The following EEPD1 variants were observed in gnomAD, a reference collection of about 807,000 sequenced individuals.
The protein encoded by EEPD1 is endonuclease/exonuclease/phosphatase family domain containing 1, also known as endonuclease/exonuclease/phosphatase family domain-containing protein 1.
EEPD1 carries 17 observed loss-of-function variants against 46.3 expected under a neutral mutation model. The ratio of observed to expected loss-of-function variants is 0.37; its 90% confidence interval spans 0.25 to 0.55. The LOEUF (loss-of-function observed/expected upper bound fraction) is 0.55, where lower values mean the gene tolerates loss of function less well. EEPD1 is among the 20% of genes least tolerant of loss of function. EEPD1 has a pLI of 0.83. For synonymous variants in EEPD1, 313 were observed against 315.6 expected, an observed-to-expected ratio of 0.99 and a Z score of 0.09; for missense variants, 673 against 745.6, an observed-to-expected ratio of 0.90 and a Z score of 1.13.
At chr7:36,294,446 G>A (rs560412485) in intron 6 of EEPD1, among the ~76,000 whole-genome samples, 1 of 152,044 alleles carries the variant, frequency 6.6e-6, no homozygotes, top group Non-Finnish European at 1.5e-5. Flanking sequence ...TTATTTGCAT[G>A]AAAAAATAAA....
At chr7:36,239,607 C>A (rs991302488) in intron 3 of EEPD1, among the ~76,000 whole-genome samples, 3 of 152,172 alleles carry the variant, frequency 2.0e-5, no homozygotes, top group Admixed American at 2.0e-4. Flanking sequence ...TCTCTGCCCC[C>A]AAACCAACGT....
intron 6 of EEPD1, among the ~76,000 whole-genome samples, chr7:36,292,982 T>C (rs1158663929): frequency 6.4e-5 from 2 of 31,410 alleles, no homozygotes; most frequent in East Asian, 4.8e-3. Context: ...TTGTTACACC[T>C]AAAGTTAAAA....
intron 2 of EEPD1, among the ~76,000 whole-genome samples, chr7:36,157,324 G>A (rs1784841583): frequency 1.3e-5 from 2 of 152,170 alleles, no homozygotes; most frequent in African/African-American, 2.4e-5. Context: ...CAAGCGTTGA[G>A]GAGCTTATTC....
chr7:36,156,415 AACTC>A (rs1207072477), intron 2 of EEPD1, among the ~76,000 whole-genome samples: 1 of 152,134 alleles, frequency 6.6e-6, no homozygotes, highest in Non-Finnish European at 1.5e-5. Flanking sequence ...TTTGCAGCCT[AACTC>A]ACTCCTTCTG....
chr7:36,239,123 C>A, intron 3 of EEPD1, 87 bp downstream of exon 3: 1 of 1,294,436 alleles, frequency 7.7e-7, no homozygotes, highest in Non-Finnish European at 1.1e-6. Context: ...TCACCAGAGA[C>A]AGCCCCTACT....
At chr7:36,282,134 A>G (rs868730143) in intron 4 of EEPD1, among the ~76,000 whole-genome samples, 2 of 152,236 alleles carry the variant, frequency 1.3e-5, no homozygotes, top group Non-Finnish European at 2.9e-5. Flanking sequence ...GAGTCAGCAC[A>G]CATTCAGAGA....
At chr7:36,254,579 A>G (rs1786799862) in intron 3 of EEPD1, among the ~76,000 whole-genome samples, 1 of 152,164 alleles carries the variant, frequency 6.6e-6, no homozygotes, top group African/African-American at 2.4e-5. Context: ...ATAGTGCTGC[A>G]ATAAATATAC....
intron 2 of EEPD1, among the ~76,000 whole-genome samples, chr7:36,182,486 A>G (rs946860355): frequency 6.6e-6 from 1 of 152,234 alleles, no homozygotes; most frequent in African/African-American, 2.4e-5. Flanking sequence ...CTTACCTTTC[A>G]AAAACTTATA....
intron 3 of EEPD1, among the ~76,000 whole-genome samples, chr7:36,243,097 A>G (rs1011879228): frequency 1.3e-5 from 2 of 152,216 alleles, no homozygotes; most frequent in African/African-American, 4.8e-5. Context: ...GACCTGCAGC[A>G]TTAGAAGCCT....
chr7:36,285,293 T>C (rs1184852045), intron 5 of EEPD1, among the ~76,000 whole-genome samples: 1 of 152,198 alleles, frequency 6.6e-6, no homozygotes, highest in Non-Finnish European at 1.5e-5. Context: ...AGAACTGGCC[T>C]GAGGAGCCCC....
At chr7:36,243,263 G>A (rs866179785) in intron 3 of EEPD1, among the ~76,000 whole-genome samples, 23 of 150,820 alleles carry the variant, frequency 1.5e-4, no homozygotes, top group Middle Eastern at 6.9e-3. Flanking sequence ...TAGTCAGAAA[G>A]AATCTATGAG....
At chr7:36,281,029 T>A in intron 3 of EEPD1, 86 bp from the exon 4 acceptor site, 1 of 1,058,426 alleles carries the variant, frequency 9.4e-7, no homozygotes, top group Non-Finnish European at 1.4e-6. Flanking sequence ...CTCAGAATCA[T>A]GCAGTGCCTG....
At chr7:36,186,395 G>C (rs754266685) in intron 2 of EEPD1, among the ~76,000 whole-genome samples, 1 of 152,180 alleles carries the variant, frequency 6.6e-6, no homozygotes, top group Non-Finnish European at 1.5e-5. Context: ...CATAAGTGGG[G>C]TCAACCTGAA....
At position 36,301,093 on chromosome 7, in the gene EEPD1, CCTT is replaced by C. The variant is rs1341156925; in HGVS notation, c.*1888_*1890del. 1 of 152,222 alleles carries C rather than the reference CCTT, an allele frequency of 6.6e-6. No homozygotes were observed. Among genetic ancestry groups the C allele is most frequent in the Non-Finnish European group, 1.5e-5 (1 of 68,056 alleles). 9.4% of individuals were successfully genotyped at this position (152,222 alleles called of 1,614,324 possible). ...ACCAAAGCTGTGGACAGAAAAGCCTCCTTAAGTGAGCTGAGGGGACAGGAAATC... is the reference window on the plus strand; with the variant it reads ...ACCAAAGCTGTGGACAGAAAAGCCTCAAGTGAGCTGAGGGGACAGGAAATC... On this transcript the variant is annotated 3_prime_UTR_variant, in exon 8 of 8. Transcript: ENST00000242108.
At chr7:36,237,021 G>C (rs1404638100) in intron 2 of EEPD1, among the ~76,000 whole-genome samples, 1 of 152,212 alleles carries the variant, frequency 6.6e-6, no homozygotes, top group Non-Finnish European at 1.5e-5. Flanking sequence ...CCATGCTGCT[G>C]TAACACTCAC....
In EEPD1 at chr7:36,301,005, G is replaced by A. The variant is rs196622; in HGVS notation, c.*1799G>A. On this transcript the variant is annotated 3_prime_UTR_variant, in exon 8 of 8. Coordinates refer to ENST00000242108, the MANE Select transcript of EEPD1 (RefSeq NM_030636.3). ...CGTTTCTGGTGCCTCATCTAAAGGT[G>A]AAACCTCCCCTACATTCACCAGCCG... 149,126 of 152,376 alleles carry A rather than the reference G, an allele frequency of 0.98. 73,057 individuals are homozygous for A. The highest frequency in any genetic ancestry group is 1 in the East Asian group (5,198 of 5,198). 9.4% of individuals were successfully genotyped at this position (152,376 alleles called of 1,614,324 possible).
chr7:36,235,883 CGTT>C (rs997252222), intron 2 of EEPD1, among the ~76,000 whole-genome samples: 1 of 151,070 alleles, frequency 6.6e-6, no homozygotes, highest in African/African-American at 2.4e-5. Flanking sequence ...AGTACACTTA[CGTT>C]GTTGTATAAT....
At chr7:36,277,378 C>A (rs1012093373) in intron 3 of EEPD1, among the ~76,000 whole-genome samples, 3 of 152,212 alleles carry the variant, frequency 2.0e-5, no homozygotes, top group Non-Finnish European at 4.4e-5. Flanking sequence ...AAAGACGGTG[C>A]GTGCAATGGC....
chr7:36,174,189 G>A lies in EEPD1; in HGVS notation c.878+18987G>A, dbSNP rs372672943. Among the ~76,000 whole-genome samples the A allele has an allele frequency of 4.4e-4, 67 of 152,280 alleles. 1 individual carries two copies. Among genetic ancestry groups the A allele is most frequent in the Admixed American group, 3.1e-3 (48 of 15,304 alleles). On this transcript the variant is annotated intron_variant, in intron 2 of 7. Coordinates refer to ENST00000242108, the MANE Select transcript of EEPD1 (RefSeq NM_030636.3). ...CCGACCAGTTCTGGGGCATGTTTGC[G>A]TCTTGTTCCCGATTACCCACGCTTA...
Sources: gnomAD v4.1 joint callset for allele counts (sites outside exome capture counted in the v4.1 genomes callset) on GRCh38, gnomAD v4.1.1 for gene constraint, MANE v1.5 for transcripts, NCBI Gene and HGNC (gene_info 2026-07-23, HGNC 2026-07-21) for gene names.